Variants in PTPRN2 observed in about 807,000 individuals in gnomAD.
The protein encoded by PTPRN2 is receptor-type tyrosine-protein phosphatase N2.
In PTPRN2, 74 loss-of-function variants were observed where a neutral mutation model predicts 118.8. That is an observed-to-expected ratio of 0.62 (90% CI 0.52 to 0.76). The LOEUF (loss-of-function observed/expected upper bound fraction) is 0.76. Among genes scored for constraint, PTPRN2 ranks in the 30% least tolerant of loss-of-function variants. The pLI, the probability that PTPRN2 is intolerant of heterozygous loss-of-function variation, is 0.00. For missense variants in PTPRN2, 1,481 were observed against 1,394.4 expected, an observed-to-expected ratio of 1.06 and a Z score of -0.99; for synonymous variants, 641 against 608.0, an observed-to-expected ratio of 1.05 and a Z score of -0.80.
At chr7:158,407,163 T>TGCGTCCC (rs1813545959) in intron 2 of PTPRN2, among the ~76,000 whole-genome samples, 1 of 95,654 alleles carries the variant, frequency 1.0e-5, no homozygotes, top group Non-Finnish European at 2.2e-5. Context: ...TCCTGGGTCC[T>TGCGTCCC]GGGTCCTGCG....
At chr7:158,191,624 A>G (rs1488896694) in intron 5 of PTPRN2, among the ~76,000 whole-genome samples, 1 of 152,114 alleles carries the variant, frequency 6.6e-6, no homozygotes, top group Non-Finnish European at 1.5e-5. Flanking sequence ...ATTTACTGAG[A>G]TTCCTAATTC....
At position 158,525,978 on chromosome 7, in the gene PTPRN2, G is replaced by T. The variant is rs1824747008; in HGVS notation, c.113-36193C>A. Among the ~76,000 whole-genome samples, 1 of 152,146 alleles carries T rather than the reference G, an allele frequency of 6.6e-6. No individual in the cohort carries two copies. The highest frequency in any genetic ancestry group is 2.4e-5 in the African/African-American group (1 of 41,434). On this transcript the variant is annotated intron_variant, in intron 1 of 22. Coordinates refer to ENST00000389418, the MANE Select transcript of PTPRN2 (RefSeq NM_002847.5). The surrounding 1 kb of genome is among the most constrained non-coding windows in gnomAD (Gnocchi z 4.1). ...CCCAAGCCGACAATGCCCCCCCATTGACTCGGCTCTCTGCAGACCTGCAGA... is the reference window on the plus strand; with the variant it reads ...CCCAAGCCGACAATGCCCCCCCATTTACTCGGCTCTCTGCAGACCTGCAGA...
chr7:158,162,955 A>C lies in PTPRN2; in HGVS notation c.910+3976T>G, dbSNP rs1208977760. 3.3e-5 allele frequency among the ~76,000 whole-genome samples: 5 copies of C among 152,144 alleles called. 1 individual carries two copies. Among genetic ancestry groups the C allele is most frequent in the Non-Finnish European group, 7.4e-5 (5 of 68,012 alleles). ...GGCCCTGTTCTCTGACCTGTAAAGA[A>C]GTTTTCTGTTCCCTGGCATTATCAC... On this transcript the variant is annotated intron_variant, in intron 6 of 22. Coordinates refer to ENST00000389418, the MANE Select transcript of PTPRN2 (RefSeq NM_002847.5).
chr7:158,263,120 CACAT>C (rs898276893), intron 3 of PTPRN2, among the ~76,000 whole-genome samples: 5 of 56,446 alleles, frequency 8.9e-5, no homozygotes, highest in Admixed American at 4.2e-4. Context: ...ACACTGCACA[CACAT>C]ACACATATAC....
At position 157,964,906 on chromosome 7, in the gene PTPRN2, G is replaced by A. The variant is rs1443773486; in HGVS notation, c.1724-66169C>T. ...TTTGTGAGTGCCCTGCACTCTGTCA[G>A]TTGGGCCATGGTATAATTTATGTTC... On this transcript the variant is annotated intron_variant, in intron 11 of 22. Transcript: ENST00000389418. The surrounding 1 kb of genome is among the most constrained non-coding windows in gnomAD (Gnocchi z 9.0). 6.6e-6 allele frequency among the ~76,000 whole-genome samples: 1 copy of A among 152,198 alleles called. No individual in the cohort carries two copies. The highest frequency in any genetic ancestry group is 2.4e-5 in the African/African-American group (1 of 41,446).
chr7:158,184,888 A>C (rs912816190), intron 5 of PTPRN2, among the ~76,000 whole-genome samples: 1 of 152,152 alleles, frequency 6.6e-6, no homozygotes, highest in African/African-American at 2.4e-5. Context: ...CTAATGCCAG[A>C]TTTTAAGTGG....
intron 2 of PTPRN2, among the ~76,000 whole-genome samples, chr7:158,466,417 C>T (rs190967139): frequency 1.3e-5 from 2 of 152,244 alleles, no homozygotes; most frequent in East Asian, 1.9e-4. Context: ...CATGCAGTAT[C>T]TGCCTTTCTG....
In PTPRN2 at chr7:158,439,521, G is replaced by A. The variant is rs535784989; in HGVS notation, c.163+50214C>T. On this transcript the variant is annotated intron_variant, in intron 2 of 22. Transcript: ENST00000389418. ...GAGAAGGAAGAGAAGAAGAAGAGGA[G>A]AAGGAGTAAGATGAGGAGGAGGAAA... 3.3e-5 allele frequency among the ~76,000 whole-genome samples: 5 copies of A among 152,252 alleles called. No homozygotes were observed. In the East Asian group the frequency reaches 9.7e-4, roughly 29 times the overall value.
intron 12 of PTPRN2, among the ~76,000 whole-genome samples, chr7:157,759,970 C>T (rs552929016): frequency 3.3e-5 from 5 of 152,168 alleles, no homozygotes; most frequent in African/African-American, 4.8e-5. Context: ...AGAGACCGGG[C>T]GGGCAAAGTG....
rs751520467 is a variant in PTPRN2 at position 157,604,035 on chromosome 7, G to A, written c.2385C>T (p.His795=). ...TAGCGTTGATGTAGTCTGAGTGGCT[G>A]TGGCTGTTCTCCGCCTTCAGCAGGA... ...SRVLLKAENS[H]SHSDYINASP... is the part of the protein sequence containing the mutation. The change falls in exon 16 of 23, where the codon CAC becomes CAT. Residue 795 remains histidine (H), a synonymous_variant. Transcript: ENST00000389418. The A allele has an allele frequency of 1.9e-6, 3 of 1,613,806 alleles. No individual in the cohort carries two copies. Among genetic ancestry groups the A allele is most frequent in the East Asian group, 2.2e-5 (1 of 44,898 alleles).
At chr7:157,589,860 G>C (rs1017986090) in intron 17 of PTPRN2, among the ~76,000 whole-genome samples, 1 of 152,236 alleles carries the variant, frequency 6.6e-6, no homozygotes, top group African/African-American at 2.4e-5. Flanking sequence ...TCCTTGTGAC[G>C]TCTGGGCTGA....
chr7:158,150,860 T>G (rs1563519792), intron 6 of PTPRN2, among the ~76,000 whole-genome samples: 2 of 152,212 alleles, frequency 1.3e-5, no homozygotes, highest in African/African-American at 4.8e-5. Flanking sequence ...CTCCTTTCTG[T>G]TCTTCCAACC....
At chr7:158,233,842 A>G (rs563645215) in intron 3 of PTPRN2, among the ~76,000 whole-genome samples, 29 of 152,196 alleles carry the variant, frequency 1.9e-4, no homozygotes, top group Non-Finnish European at 3.8e-4. Flanking sequence ...CTCATTTTTC[A>G]CAAAGGCACC....
chr7:157,970,103 A>T (rs556216707), intron 11 of PTPRN2, among the ~76,000 whole-genome samples: 7,583 of 152,194 alleles, frequency 0.05, 273 homozygotes, highest in South Asian at 0.15. Flanking sequence ...AGGGAAAGGT[A>T]AAAGACATTT....
At chr7:157,849,157 T>A (rs1054989272) in intron 12 of PTPRN2, among the ~76,000 whole-genome samples, 1 of 152,230 alleles carries the variant, frequency 6.6e-6, no homozygotes, top group African/African-American at 2.4e-5. Flanking sequence ...GTGATGGAGC[T>A]GATTCTTCGG....
intron 11 of PTPRN2, among the ~76,000 whole-genome samples, chr7:158,077,448 A>AT (rs1295926451): frequency 6.6e-6 from 1 of 152,156 alleles, no homozygotes; most frequent in African/African-American, 2.4e-5. Context: ...GCCGTGTCTT[A>AT]GAGGCTGTCA....
chr7:158,376,087 T>C (rs1245788566), intron 2 of PTPRN2, among the ~76,000 whole-genome samples: 1 of 152,182 alleles, frequency 6.6e-6, no homozygotes, highest in African/African-American at 2.4e-5. Context: ...CACCGCGGCT[T>C]TGGGAGTCAC....
chr7:157,873,696 G>A (rs1404336822), intron 12 of PTPRN2, among the ~76,000 whole-genome samples: 1 of 151,276 alleles, frequency 6.6e-6, no homozygotes, highest in Non-Finnish European at 1.5e-5. Context: ...CGTGGGGGCC[G>A]GGAGGAGAAC....
At chr7:158,557,799 G>A (rs1827144392) in intron 1 of PTPRN2, among the ~76,000 whole-genome samples, 1 of 152,118 alleles carries the variant, frequency 6.6e-6, no homozygotes, top group Non-Finnish European at 1.5e-5. Context: ...AGGAAGGAAG[G>A]GTGACTTGGG....
Sources: gnomAD v4.1 joint callset for allele counts (sites outside exome capture counted in the v4.1 genomes callset) on GRCh38, gnomAD v4.1.1 for gene constraint, Gnocchi (gnomAD v3.1) non-coding constraint, MANE v1.5 for transcripts, NCBI Gene and HGNC (gene_info 2026-07-23, HGNC 2026-07-21) for gene names.